Variants in TAFA2 observed in about 807,000 individuals in gnomAD.
TAFA2 encodes chemokine-like protein TAFA-2.
A neutral mutation model predicts 18.8 loss-of-function variants in TAFA2; 7 were observed. That is an observed-to-expected ratio of 0.37 (90% confidence interval 0.21 to 0.70). TAFA2 has a LOEUF of 0.70. TAFA2 is among the 30% of genes least tolerant of loss of function. TAFA2 has a pLI of 0.53. For missense variants in TAFA2, 122 were observed against 158.1 expected (o/e 0.77, Z 1.23); for synonymous variants, 60 against 54.2 (o/e 1.11, Z -0.47).
chr12:62,059,139 A>ATG (rs374882700), intron 1 of TAFA2, among the ~76,000 whole-genome samples: 2,355 of 136,302 alleles, frequency 0.017, 43 homozygotes, highest in African/African-American at 0.046. Context: ...ATGTGTGTAT[A>ATG]TGTGTGTGTG....
At chr12:61,791,439 A>G (rs989423828) in intron 2 of TAFA2, among the ~76,000 whole-genome samples, 1 of 151,774 alleles carries the variant, frequency 6.6e-6, no homozygotes, top group African/African-American at 2.4e-5. Flanking sequence ...AAGAGAAACC[A>G]TACAGAAAGG....
At position 61,859,483 on chromosome 12, in the gene TAFA2, G is replaced by T. The variant is rs535468127; in HGVS notation, c.106+7837C>A. ...TTTTGAGATGGAGTCTCGCTCTGTCGCCCAGGCTGGAGTGCAGTGGCGTGA... is the reference window on the plus strand; with the variant it reads ...TTTTGAGATGGAGTCTCGCTCTGTCTCCCAGGCTGGAGTGCAGTGGCGTGA... On this transcript the variant is annotated intron_variant, in intron 2 of 4. Transcript: ENST00000416284. Among the ~76,000 whole-genome samples, 21 of 148,460 alleles carry T rather than the reference G, an allele frequency of 1.4e-4. No homozygotes were observed. In the South Asian group the frequency reaches 3.9e-3, roughly 28 times the overall value.
intron 1 of TAFA2, among the ~76,000 whole-genome samples, chr12:62,087,121 G>T (rs4763016): frequency 6.6e-6 from 1 of 152,056 alleles, no homozygotes; most frequent in Non-Finnish European, 1.5e-5. Context: ...TAGAATGGTG[G>T]TTGCCAGGAG....
At chr12:61,931,733 G>C (rs937317626) in intron 1 of TAFA2, among the ~76,000 whole-genome samples, 5 of 152,120 alleles carry the variant, frequency 3.3e-5, no homozygotes, top group African/African-American at 1.2e-4. Context: ...AAAGGCTTCT[G>C]TTTTAAAATG....
intron 1 of TAFA2, among the ~76,000 whole-genome samples, chr12:62,210,167 CAG>C (rs1491185510): frequency 2.0e-5 from 3 of 150,106 alleles, no homozygotes; most frequent in South Asian, 2.1e-4. Flanking sequence ...GCCTGGGTGA[CAG>C]AGTGAGACTC....
chr12:62,108,634 C>T (rs1869575098), intron 1 of TAFA2, among the ~76,000 whole-genome samples: 1 of 152,214 alleles, frequency 6.6e-6, no homozygotes, highest in Admixed American at 6.5e-5. Flanking sequence ...TTCTCCACAT[C>T]CTCTCCAGTA....
chr12:61,861,205 G>A (rs1265164365), intron 2 of TAFA2, among the ~76,000 whole-genome samples: 2 of 150,362 alleles, frequency 1.3e-5, no homozygotes, highest in African/African-American at 4.9e-5. Flanking sequence ...ACCGGCTTCC[G>A]CCTCCCTAAG....
chr12:61,970,601 A>C (rs147924306), intron 1 of TAFA2, among the ~76,000 whole-genome samples: 24 of 151,730 alleles, frequency 1.6e-4, no homozygotes, highest in Non-Finnish European at 2.2e-4. Context: ...CAACAGTCAA[A>C]GGAGTTTGGT....
At chr12:61,729,207 G>A (rs1053287690) in intron 4 of TAFA2, among the ~76,000 whole-genome samples, 1 of 151,784 alleles carries the variant, frequency 6.6e-6, no homozygotes, top group Non-Finnish European at 1.5e-5. Flanking sequence ...TATGTGACTA[G>A]GCAATAATCT....
chr12:61,940,532 A>C (rs946128633), intron 1 of TAFA2, among the ~76,000 whole-genome samples: 1 of 152,072 alleles, frequency 6.6e-6, no homozygotes. Flanking sequence ...ATTCCAGGTA[A>C]CTCTCCAAGC....
At chr12:61,995,835 T>C (rs1045208265) in intron 1 of TAFA2, among the ~76,000 whole-genome samples, 5 of 151,110 alleles carry the variant, frequency 3.3e-5, no homozygotes, top group African/African-American at 4.9e-5. Context: ...AAACTGATTG[T>C]GGTGATCAAT....
intron 1 of TAFA2, among the ~76,000 whole-genome samples, chr12:62,222,631 C>T (rs2062768092): frequency 6.6e-6 from 1 of 151,476 alleles, no homozygotes; most frequent in Admixed American, 6.6e-5. Context: ...CTCAGTCTCA[C>T]GAGTAGCTGG....
chr12:61,902,004 A>G (rs1471309064), intron 1 of TAFA2, among the ~76,000 whole-genome samples: 1 of 151,246 alleles, frequency 6.6e-6, no homozygotes, highest in East Asian at 1.9e-4. Flanking sequence ...AGCTAGCTAT[A>G]CCTGTGGATA....
intron 1 of TAFA2, among the ~76,000 whole-genome samples, chr12:62,073,341 T>C (rs1882680926): frequency 6.6e-6 from 1 of 152,116 alleles, no homozygotes; most frequent in South Asian, 2.1e-4. Context: ...GTTATTATAC[T>C]ATAGGTAGGT....
chr12:61,967,819 A>G (rs1879119281), intron 1 of TAFA2, among the ~76,000 whole-genome samples: 1 of 151,862 alleles, frequency 6.6e-6, no homozygotes. Flanking sequence ...AAAAAATATA[A>G]AGTTGATCTA....
chr12:61,710,509 A>C, intron 4 of TAFA2, 92 bp from the exon 5 acceptor site: 3 of 1,084,416 alleles, frequency 2.8e-6, no homozygotes, highest in Non-Finnish European at 4.2e-6. Context: ...ATAACTCAAA[A>C]TGCTGGTGTT....
Position 61,710,177 on chromosome 12 carries a change from A to C in TAFA2, c.*229T>G, listed in dbSNP as rs918705263. ...ACTTCAAATTCTTTTAACAATTTACAAGTTGAACACAGTTCAAATCTGCTG... is the reference window on the plus strand; with the variant it reads ...ACTTCAAATTCTTTTAACAATTTACCAGTTGAACACAGTTCAAATCTGCTG... On this transcript the variant is annotated 3_prime_UTR_variant, in exon 5 of 5. Transcript: ENST00000416284. The C allele has an allele frequency of 4.3e-6, 2 of 469,422 alleles. No individual in the cohort carries two copies. The highest frequency in any genetic ancestry group is 2.0e-5 in the African/African-American group (1 of 49,824). 29.1% of individuals were successfully genotyped at this position (469,422 alleles called of 1,614,324 possible). A position where few individuals can be genotyped will look rare whatever the true frequency, so the allele number is the denominator to read the frequency against.
At chr12:62,209,679 G>C (rs1471919336) in intron 1 of TAFA2, among the ~76,000 whole-genome samples, 2 of 152,206 alleles carry the variant, frequency 1.3e-5, no homozygotes, top group Admixed American at 1.3e-4. Context: ...AAAATGAGGA[G>C]AAGGGGAGTG....
At chr12:61,967,499 T>C in intron 1 of TAFA2, among the ~76,000 whole-genome samples, 1 of 152,014 alleles carries the variant, frequency 6.6e-6, no homozygotes, top group South Asian at 2.1e-4. Context: ...GTTTGTCCTA[T>C]CCATTTGTCC....
Sources: allele counts gnomAD v4.1 joint callset (sites outside exome capture counted in the v4.1 genomes callset), GRCh38; gene constraint gnomAD v4.1.1; transcripts MANE v1.5; gene names NCBI Gene and HGNC (gene_info 2026-07-23, HGNC 2026-07-21).